Variants in ASXL2 observed in about 807,000 individuals in gnomAD.
ASXL2 encodes putative Polycomb group protein ASXL2.
Under a neutral mutation model 122.0 loss-of-function variants are expected in ASXL2, and 23 were observed. That is an observed-to-expected ratio of 0.19 (90% CI 0.14 to 0.27). The LOEUF is 0.27. Ranked by LOEUF, ASXL2 falls within the 10% of genes least tolerant of loss-of-function variation. The pLI, the probability that ASXL2 is intolerant of heterozygous loss-of-function variation, is 1.00. For synonymous variants in ASXL2, 650 were observed against 637.0 expected (o/e 1.02, Z -0.31); for missense variants, 1,518 against 1,713.8 (o/e 0.89, Z 2.02).
intron 3 of ASXL2, among the ~76,000 whole-genome samples, chr2:25,829,470 G>A (rs149966499): frequency 2.5e-3 from 385 of 152,192 alleles, no homozygotes; most frequent in Middle Eastern, 0.01. Context: ...CAGAAATTTC[G>A]CAATTTTATA....
chr2:25,845,297 G>T, intron 2 of ASXL2, 184 bp downstream of exon 2: 1 of 1,054,010 alleles, frequency 9.5e-7, no homozygotes, highest in Non-Finnish European at 1.4e-6. Context: ...AAACCTTCTG[G>T]TTTAAAACTT....
At chr2:25,865,850 C>T (rs926447211) in intron 1 of ASXL2, among the ~76,000 whole-genome samples, 7 of 148,550 alleles carry the variant, frequency 4.7e-5, no homozygotes, top group Admixed American at 1.3e-4. Context: ...ATTAAACTAA[C>T]GCTGGACTGT....
In ASXL2 at chr2:25,744,154, G is replaced by T; in HGVS notation, c.2183C>A (p.Thr728Lys). Residue 728 changes from threonine to lysine, a missense_variant, in exon 13 of 13, where the codon ACA becomes AAA. Physicochemically the swap from Thr to Lys is moderately conservative, Grantham distance 78. Coordinates refer to ENST00000435504, the MANE Select transcript of ASXL2 (RefSeq NM_018263.6). This position sits in a 1 kb window ranked among gnomAD's most constrained non-coding sequence, Gnocchi z 4.7. ...GCTTCCAGTTCCTGCCAGTTCCAGT[G>T]TGGGGCCCTTTCCAGTTTCACTGAC... ...DRVSETGKGP[T>K]LELAGTGSRG... 1 of 1,614,032 alleles carries T rather than the reference G, an allele frequency of 6.2e-7. No homozygotes were observed. The highest frequency in any genetic ancestry group is 8.5e-7 in the Non-Finnish European group (1 of 1,179,880).
intron 3 of ASXL2, among the ~76,000 whole-genome samples, chr2:25,832,134 A>G (rs2089461301): frequency 6.6e-6 from 1 of 152,240 alleles, no homozygotes; most frequent in South Asian, 2.1e-4. Flanking sequence ...GAAAAAACAG[A>G]AAGAACAGGA....
chr2:25,811,890 T>A (rs1266068381), intron 3 of ASXL2, among the ~76,000 whole-genome samples: 2 of 152,074 alleles, frequency 1.3e-5, no homozygotes, highest in Non-Finnish European at 2.9e-5. Flanking sequence ...TAGCTGGGAT[T>A]AGAGGCACAC....
At chr2:25,811,255 AAAATAAATAAATAAAT>A in intron 3 of ASXL2, among the ~76,000 whole-genome samples, 1 of 152,036 alleles carries the variant, frequency 6.6e-6, no homozygotes. Flanking sequence ...CATGGCTTAA[AAAATAAATAAATAAAT>A]AAATAAATAA....
chr2:25,796,246 A>C (rs1013809038), intron 5 of ASXL2, among the ~76,000 whole-genome samples: 1 of 152,242 alleles, frequency 6.6e-6, no homozygotes, highest in African/African-American at 2.4e-5. Context: ...GAATGAGTCT[A>C]GTATTCCAAC....
At chr2:25,775,266 T>C (rs2088527212) in intron 5 of ASXL2, among the ~76,000 whole-genome samples, 1 of 152,180 alleles carries the variant, frequency 6.6e-6, no homozygotes, top group African/African-American at 2.4e-5. Flanking sequence ...TAGCTAGGAT[T>C]ACAGGTGCCC....
chr2:25,850,528 G>T (rs2089702816), intron 1 of ASXL2, among the ~76,000 whole-genome samples: 1 of 152,204 alleles, frequency 6.6e-6, no homozygotes, highest in South Asian at 2.1e-4. Flanking sequence ...TTTTATTTTA[G>T]CAAGAAAACT....
chr2:25,756,156 G>A, intron 9 of ASXL2, 42 bp from the exon 10 acceptor site: 1 of 1,319,162 alleles, frequency 7.6e-7, no homozygotes, highest in Non-Finnish European at 1.0e-6. Context: ...CAAAGAAAGT[G>A]AAAGGTATCA....
chr2:25,765,004 A>C (rs2088319049), intron 8 of ASXL2, among the ~76,000 whole-genome samples: 1 of 152,196 alleles, frequency 6.6e-6, no homozygotes, highest in Non-Finnish European at 1.5e-5. Context: ...TTAATCTATT[A>C]TATTATACTT....
At chr2:25,747,093 A>G (rs2087955311) in intron 12 of ASXL2, among the ~76,000 whole-genome samples, 1 of 152,216 alleles carries the variant, frequency 6.6e-6, no homozygotes, top group African/African-American at 2.4e-5. Flanking sequence ...ATAAATTGTT[A>G]TACTGTATTT....
chr2:25,826,389 A>G (rs2089376804), intron 3 of ASXL2, among the ~76,000 whole-genome samples: 2 of 152,108 alleles, frequency 1.3e-5, no homozygotes, highest in African/African-American at 4.8e-5. Context: ...GCTGCACCCA[A>G]TCCAAAGAAT....
intron 1 of ASXL2, among the ~76,000 whole-genome samples, chr2:25,871,972 C>G (rs2089965140): frequency 6.6e-6 from 1 of 152,056 alleles, no homozygotes; most frequent in Non-Finnish European, 1.5e-5. Flanking sequence ...TTATTAAACT[C>G]TTGGGTGAAA....
At position 25,834,828 on chromosome 2, in the gene ASXL2, A is replaced by AT. The variant is rs932644740; in HGVS notation, c.143+709dup. ...TATCATGCCCCTAAAGGATTTACCA[A>AT]TTTTTTTTTTTTTAGACGGAGTCTT... On this transcript the variant is annotated intron_variant, in intron 3 of 12. Coordinates refer to ENST00000435504, the MANE Select transcript of ASXL2 (RefSeq NM_018263.6). Among the ~76,000 whole-genome samples, 648 of 146,364 alleles carry AT rather than the reference A, an allele frequency of 4.4e-3. 5 individuals carry two copies. The highest frequency in any genetic ancestry group is 0.013 in the African/African-American group (540 of 40,182).
At chr2:25,864,994 TG>T (rs1346878889) in intron 1 of ASXL2, among the ~76,000 whole-genome samples, 5 of 151,794 alleles carry the variant, frequency 3.3e-5, no homozygotes, top group Non-Finnish European at 5.9e-5. Flanking sequence ...GCTAATTTTT[TG>T]TATTTTGATT....
Position 25,751,369 on chromosome 2 carries a change from G to A in ASXL2, c.1143-956C>T, listed in dbSNP as rs547034570. ...AGAAGGAGGGAATGGGCCAGGCACA[G>A]TGGCTCATGCCTGTAATCCCAGCAC... is the stretch of plus-strand genomic sequence containing the variant. On this transcript the variant is annotated intron_variant, in intron 11 of 12. Coordinates refer to ENST00000435504, the MANE Select transcript of ASXL2 (RefSeq NM_018263.6). Among the ~76,000 whole-genome samples the A allele has an allele frequency of 6.6e-5, 10 of 152,356 alleles. No homozygotes were observed. In the South Asian group the frequency reaches 2.1e-3, roughly 32 times the overall value.
At chr2:25,849,172 T>C (rs2089688478) in intron 1 of ASXL2, among the ~76,000 whole-genome samples, 1 of 148,972 alleles carries the variant, frequency 6.7e-6, no homozygotes, top group South Asian at 2.1e-4. Flanking sequence ...GAACAGTGGC[T>C]CACACCTGTA....
At chr2:25,858,883 G>C (rs1252615758) in intron 1 of ASXL2, among the ~76,000 whole-genome samples, 1 of 145,996 alleles carries the variant, frequency 6.8e-6, no homozygotes, top group African/African-American at 2.5e-5. Flanking sequence ...GTGTGATCTC[G>C]GCTCACTGGA....
Sources: allele counts gnomAD v4.1 joint callset (sites outside exome capture counted in the v4.1 genomes callset), GRCh38; gene constraint gnomAD v4.1.1; non-coding constraint Gnocchi (gnomAD v3.1); transcripts MANE v1.5; gene names NCBI Gene and HGNC (gene_info 2026-07-23, HGNC 2026-07-21).